GPC5: variants seen among roughly 807,000 people sequenced by gnomAD.
GPC5 encodes glypican-5.
A neutral mutation model predicts 53.9 loss-of-function variants in GPC5; 47 were observed. That is an observed-to-expected ratio of 0.87 (90% CI 0.69 to 1.11). GPC5 has a LOEUF of 1.11. GPC5 is among the 50% of genes most tolerant of loss of function. GPC5 has a pLI of 0.00. For synonymous variants in GPC5, 286 were observed against 263.3 expected, an observed-to-expected ratio of 1.09 and a Z score of -0.84; for missense variants, 748 against 713.1, an observed-to-expected ratio of 1.05 and a Z score of -0.56.
At chr13:91,838,963 G>A (rs1211243158) in intron 5 of GPC5, among the ~76,000 whole-genome samples, 2 of 124,906 alleles carry the variant, frequency 1.6e-5, no homozygotes, top group African/African-American at 2.6e-5. Flanking sequence ...TCCTACATAC[G>A]TATATACTCA....
chr13:92,413,447 A>G (rs892601733), intron 7 of GPC5, among the ~76,000 whole-genome samples: 10 of 152,358 alleles, frequency 6.6e-5, no homozygotes, highest in African/African-American at 2.4e-4. Context: ...GACTACATTT[A>G]TTATAAGAAC....
chr13:91,897,598 A>G (rs138881923), intron 5 of GPC5, among the ~76,000 whole-genome samples: 48 of 152,294 alleles, frequency 3.2e-4, no homozygotes, highest in African/African-American at 1.0e-3. Context: ...TCCAATTCAT[A>G]GAGCGTTGGT....
At chr13:92,632,686 T>TA in intron 7 of GPC5, among the ~76,000 whole-genome samples, 1 of 152,160 alleles carries the variant, frequency 6.6e-6, no homozygotes, top group South Asian at 2.1e-4. Flanking sequence ...TATCTGTGAT[T>TA]AAGCCATTTC....
intron 7 of GPC5, among the ~76,000 whole-genome samples, chr13:92,318,683 A>T (rs1163041377): frequency 6.6e-6 from 1 of 152,176 alleles, no homozygotes; most frequent in African/African-American, 2.4e-5. Flanking sequence ...TACCATCTTA[A>T]TAAGCAGTAA....
intron 7 of GPC5, among the ~76,000 whole-genome samples, chr13:92,642,006 A>G (rs954476206): frequency 6.6e-6 from 1 of 152,186 alleles, no homozygotes; most frequent in Non-Finnish European, 1.5e-5. Flanking sequence ...AGCTCTTCAA[A>G]GCATGTTTAA....
intron 7 of GPC5, among the ~76,000 whole-genome samples, chr13:92,672,855 G>C (rs879166234): frequency 1.3e-5 from 2 of 152,156 alleles, no homozygotes; most frequent in African/African-American, 4.8e-5. Context: ...GACACATAGA[G>C]GGGAATAACA....
At position 92,155,613 on chromosome 13, in the gene GPC5, T is replaced by G. The variant is rs1408151617; in HGVS notation, c.1561+10624T>G. 6.6e-5 allele frequency among the ~76,000 whole-genome samples: 10 copies of G among 152,304 alleles called. No individual in the cohort carries two copies. The East Asian group carries it at 1.9e-3, about 29-fold the overall frequency. On this transcript the variant is annotated intron_variant, in intron 7 of 7. Coordinates refer to ENST00000377067, the MANE Select transcript of GPC5 (RefSeq NM_004466.6). ...TTTATCTTCAGCTTTTTCCTCAACC[T>G]TTTTGATCTTCGCTCAAATTCTTTT...
chr13:92,491,485 C>T (rs1278482399), intron 7 of GPC5, among the ~76,000 whole-genome samples: 1 of 152,016 alleles, frequency 6.6e-6, no homozygotes, highest in African/African-American at 2.4e-5. Context: ...CATATTTGAT[C>T]AATATTTTCT....
At chr13:92,847,639 T>C (rs191235423) in intron 7 of GPC5, among the ~76,000 whole-genome samples, 1 of 152,064 alleles carries the variant, frequency 6.6e-6, no homozygotes, top group South Asian at 2.1e-4. Context: ...TTTTTTTTTT[T>C]AATAAATTAC....
chr13:92,208,250 C>T (rs2042351509), intron 7 of GPC5, among the ~76,000 whole-genome samples: 1 of 152,216 alleles, frequency 6.6e-6, no homozygotes, highest in Non-Finnish European at 1.5e-5. Context: ...TTTTAATGTT[C>T]TCCCTTAAAT....
intron 4 of GPC5, among the ~76,000 whole-genome samples, chr13:91,739,922 T>C (rs1168254563): frequency 6.6e-6 from 1 of 151,376 alleles, no homozygotes; most frequent in Non-Finnish European, 1.5e-5. Context: ...GACTGCCACC[T>C]ACCTCAGGCT....
intron 4 of GPC5, among the ~76,000 whole-genome samples, chr13:91,728,950 T>G (rs146476009): frequency 5.9e-5 from 9 of 152,224 alleles, no homozygotes; most frequent in African/African-American, 2.2e-4. Context: ...ATCATACGCT[T>G]AAAATGTGAC....
At chr13:92,750,773 A>AG (rs1378062485) in intron 7 of GPC5, among the ~76,000 whole-genome samples, 3 of 152,176 alleles carry the variant, frequency 2.0e-5, no homozygotes, top group Non-Finnish European at 4.4e-5. Context: ...AACAATGCAA[A>AG]GGCTGCGTGG....
intron 7 of GPC5, among the ~76,000 whole-genome samples, chr13:92,585,666 A>G (rs1303765076): frequency 1.3e-5 from 2 of 152,156 alleles, no homozygotes; most frequent in Non-Finnish European, 2.9e-5. Flanking sequence ...GGGCCAGGAC[A>G]GAATAATATG....
chr13:91,876,474 A>G (rs1410519208), intron 5 of GPC5, among the ~76,000 whole-genome samples: 3 of 152,188 alleles, frequency 2.0e-5, no homozygotes, highest in Non-Finnish European at 4.4e-5. Context: ...GAATTGGAAC[A>G]AAGGTGACTC....
At chr13:92,048,476 G>T (rs1299185808) in intron 6 of GPC5, among the ~76,000 whole-genome samples, 1 of 152,158 alleles carries the variant, frequency 6.6e-6, no homozygotes, top group African/African-American at 2.4e-5. Context: ...CAGAAAGTCA[G>T]CCAGGAGGGT....
chr13:92,110,637 A>G (rs2041549688), intron 6 of GPC5, among the ~76,000 whole-genome samples: 1 of 152,162 alleles, frequency 6.6e-6, no homozygotes, highest in South Asian at 2.1e-4. Context: ...TCAATAATTT[A>G]TCTGTGTTAA....
intron 2 of GPC5, among the ~76,000 whole-genome samples, chr13:91,496,769 A>G (rs1041504876): frequency 1.3e-5 from 2 of 152,204 alleles, no homozygotes; most frequent in Non-Finnish European, 2.9e-5. Flanking sequence ...ACATTCAAAA[A>G]TAACTAAAAG....
At chr13:92,782,009 C>T (rs997466176) in intron 7 of GPC5, among the ~76,000 whole-genome samples, 8 of 150,448 alleles carry the variant, frequency 5.3e-5, no homozygotes, top group African/African-American at 2.0e-4. Context: ...GGCATTCTGG[C>T]CCATGGCCTA....
Sources: allele counts gnomAD v4.1 joint callset (sites outside exome capture counted in the v4.1 genomes callset), GRCh38; gene constraint gnomAD v4.1.1; transcripts MANE v1.5; gene names NCBI Gene and HGNC (gene_info 2026-07-23, HGNC 2026-07-21).